Variants in SLC4A1AP observed in about 807,000 individuals in gnomAD.
SLC4A1AP encodes the protein kanadaptin.
Under a neutral mutation model 89.7 loss-of-function variants are expected in SLC4A1AP, and 64 were observed. The ratio of observed to expected loss-of-function variants is 0.71; its 90% CI spans 0.58 to 0.88. SLC4A1AP has a LOEUF of 0.88. Among genes scored for constraint, SLC4A1AP ranks in the 40% least tolerant of loss-of-function variants. SLC4A1AP has a pLI of 0.00. For missense variants in SLC4A1AP, 931 were observed against 965.0 expected, an observed-to-expected ratio of 0.96 and a Z score of 0.47; for synonymous variants, 366 against 353.3, an observed-to-expected ratio of 1.04 and a Z score of -0.40.
chr2:27,693,710 A>G, exon 13 of SLC4A1AP: 1 of 1,611,422 alleles, frequency 6.2e-7, no homozygotes, highest in South Asian at 1.1e-5. Context: ...TCTTCCAAAT[A>G]TCCTGAAGAT....
At chr2:27,668,726 A>G (rs760408651) in intron 3 of SLC4A1AP, 117 bp from the exon 4 acceptor site, 1 of 932,212 alleles carries the variant, frequency 1.1e-6, no homozygotes, top group Non-Finnish European at 1.7e-6. Flanking sequence ...TTAGGATTAC[A>G]GGCGTGAGCC....
chr2:27,668,597 G>C, intron 3 of SLC4A1AP: 2 of 647,488 alleles, frequency 3.1e-6, no homozygotes. Context: ...CAAAAGTCAC[G>C]TACCATCATG....
At chr2:27,673,990 T>TTGTGTGTG (rs56759152) in intron 5 of SLC4A1AP, among the ~76,000 whole-genome samples, 11 of 148,662 alleles carry the variant, frequency 7.4e-5, no homozygotes, top group East Asian at 6.2e-4. Flanking sequence ...CATATACAAG[T>TTGTGTGTG]TGTGTGTGTG....
intron 4 of SLC4A1AP, 66 bp from the exon 5 acceptor site, chr2:27,669,182 A>G: frequency 1.3e-6 from 2 of 1,503,014 alleles, no homozygotes; most frequent in African/African-American, 1.4e-5. Context: ...TTATCATAGC[A>G]TAGTAGTTGT....
intron 2 of SLC4A1AP, among the ~76,000 whole-genome samples, chr2:27,666,590 A>G (rs1675327038): frequency 6.6e-6 from 1 of 152,084 alleles, no homozygotes; most frequent in African/African-American, 2.4e-5. Flanking sequence ...AAGTATTAGG[A>G]AATTATATTG....
intron 10 of SLC4A1AP, among the ~76,000 whole-genome samples, chr2:27,685,896 G>C (rs1414198786): frequency 1.3e-5 from 2 of 151,946 alleles, no homozygotes; most frequent in African/African-American, 4.8e-5. Context: ...ATTACAAAGG[G>C]TTATATGTTC....
At chr2:27,694,193 A>G (rs554551099) in intron 13 of SLC4A1AP, among the ~76,000 whole-genome samples, 9 of 152,332 alleles carry the variant, frequency 5.9e-5, no homozygotes, top group East Asian at 1.9e-4. Flanking sequence ...ATACTTATAT[A>G]TAAAATGCTA....
chr2:27,682,096 C>G (rs1020389984), intron 8 of SLC4A1AP, 152 bp from the exon 9 acceptor site: 16 of 569,450 alleles, frequency 2.8e-5, no homozygotes, highest in African/African-American at 2.7e-4. Flanking sequence ...ATCTGTTGGT[C>G]TGAATACCTC....
intron 4 of SLC4A1AP, 72 bp from the exon 5 acceptor site, chr2:27,669,176 C>A: frequency 6.9e-7 from 1 of 1,456,172 alleles, no homozygotes; most frequent in Non-Finnish European, 9.3e-7. Context: ...TGACTATTAT[C>A]ATAGCATAGT....
exon 1 of SLC4A1AP, chr2:27,664,164 C>T (rs1158942611): frequency 3.7e-6 from 6 of 1,614,210 alleles, no homozygotes; most frequent in Non-Finnish European, 5.1e-6. Flanking sequence ...GCAGTCGCGC[C>T]CCCCGACAGC....
chr2:27,667,372 G>T, exon 3 of SLC4A1AP: 1 of 1,612,738 alleles, frequency 6.2e-7, no homozygotes, highest in Non-Finnish European at 8.5e-7. Context: ...GGCTCTCCAA[G>T]GCTTTTTTGA....
Position 27,687,360 on chromosome 2 carries a change from A to G in SLC4A1AP, c.2117-574A>G, listed in dbSNP as rs532067444. Among the ~76,000 whole-genome samples, 9 of 152,222 alleles carry G rather than the reference A, an allele frequency of 5.9e-5. No individual in the cohort carries two copies. The South Asian group carries it at 1.9e-3, about 32-fold the overall frequency. On this transcript the variant is annotated intron_variant, in intron 10 of 13. Transcript: ENST00000613058. ...CATTTTGGGAGGCCGAAGTAGGAGA[A>G]TGACTTGAGCCCAGGAGTTTGAAAC...
At chr2:27,668,585 G>A (rs1257623629) in intron 3 of SLC4A1AP, 9 of 633,520 alleles carry the variant, frequency 1.4e-5, no homozygotes, top group South Asian at 9.1e-5. Flanking sequence ...TAGTAGCTGG[G>A]ACAAAAGTCA....
chr2:27,671,016 C>A (rs755764931), intron 5 of SLC4A1AP, among the ~76,000 whole-genome samples: 32 of 143,734 alleles, frequency 2.2e-4, no homozygotes, highest in Middle Eastern at 4.0e-3. Context: ...CTCTGCTTCT[C>A]GGGTTCAAGT....
chr2:27,669,143 T>C (rs1315760318), intron 4 of SLC4A1AP, 105 bp from the exon 5 acceptor site: 7 of 1,252,162 alleles, frequency 5.6e-6, no homozygotes, highest in Non-Finnish European at 7.8e-6. Flanking sequence ...ATTCAAAGAC[T>C]GAAAGGCCAT....
At chr2:27,673,575 C>T (rs917163642) in intron 5 of SLC4A1AP, among the ~76,000 whole-genome samples, 2 of 151,804 alleles carry the variant, frequency 1.3e-5, no homozygotes, top group South Asian at 2.1e-4. Flanking sequence ...GCGATCCTCC[C>T]GCCTCAGCCT....
chr2:27,664,840 G>T (rs1675280173), intron 1 of SLC4A1AP, among the ~76,000 whole-genome samples: 1 of 152,100 alleles, frequency 6.6e-6, no homozygotes, highest in South Asian at 2.1e-4. Context: ...GGCCCAGGCG[G>T]GAGGATCGCT....
intron 8 of SLC4A1AP, among the ~76,000 whole-genome samples, chr2:27,681,295 G>A (rs1675615390): frequency 1.3e-5 from 2 of 152,144 alleles, no homozygotes; most frequent in Admixed American, 1.3e-4. Flanking sequence ...TCTCTGGTAG[G>A]GAGAAAGGGG....
chr2:27,681,369 G>C (rs1386546289), intron 8 of SLC4A1AP, among the ~76,000 whole-genome samples: 1 of 152,172 alleles, frequency 6.6e-6, no homozygotes, highest in Non-Finnish European at 1.5e-5. Flanking sequence ...GGCAGTAGTA[G>C]CAAGTGGGGC....
Sources: allele counts gnomAD v4.1 joint callset (sites outside exome capture counted in the v4.1 genomes callset), GRCh38; gene constraint gnomAD v4.1.1; transcripts MANE v1.5; gene names NCBI Gene and HGNC (gene_info 2026-07-23, HGNC 2026-07-21).